Variants in ZPLD1 observed in about 807,000 individuals in gnomAD.
ZPLD1 encodes the protein zona pellucida-like domain-containing protein 1.
ZPLD1 carries 34 observed loss-of-function variants against 47.2 expected under a neutral mutation model. That is an observed-to-expected ratio of 0.72 (90% CI 0.55 to 0.96). The LOEUF (loss-of-function observed/expected upper bound fraction) is 0.96. Ranked by LOEUF, ZPLD1 falls within the 40% of genes least tolerant of loss-of-function variation. The pLI, the probability that ZPLD1 is intolerant of heterozygous loss-of-function variation, is 0.00. For synonymous variants in ZPLD1, 176 were observed against 186.2 expected (o/e 0.95, Z 0.45); for missense variants, 512 against 505.8 (o/e 1.01, Z -0.12).
chr3:102,452,895 G>T, intron 3 of ZPLD1, 24 bp from the exon 4 acceptor site: 1 of 1,607,648 alleles, frequency 6.2e-7, no homozygotes, highest in Non-Finnish European at 8.5e-7. Context: ...ACTTATGTTT[G>T]TTTTTTATAT....
upstream of ZPLD1, among the ~76,000 whole-genome samples, chr3:102,431,043 G>C (rs1310510975): frequency 2.6e-5 from 4 of 152,176 alleles, no homozygotes; most frequent in Non-Finnish European, 5.9e-5. Context: ...CTTTTAAAGT[G>C]ACTTAGTTCC....
At chr3:102,455,845 A>T (rs185899615) in intron 4 of ZPLD1, among the ~76,000 whole-genome samples, 1 of 152,200 alleles carries the variant, frequency 6.6e-6, no homozygotes, top group African/African-American at 2.4e-5. Context: ...ATATGAAGCT[A>T]AAGGGAAAAG....
At chr3:102,413,045 A>G (rs1466450317) in intron 7 of ZPLD1, among the ~76,000 whole-genome samples, 1 of 151,832 alleles carries the variant, frequency 6.6e-6, no homozygotes, top group East Asian at 1.9e-4. Context: ...ATGCAGAGCT[A>G]GAATAGAAAC....
chr3:102,401,875 T>C (rs74652857), intron 7 of ZPLD1, among the ~76,000 whole-genome samples: 1,914 of 152,176 alleles, frequency 0.013, 47 homozygotes, highest in African/African-American at 0.043. Context: ...ACTATTCAGC[T>C]AATTTAGACT....
At chr3:102,471,533 T>C (rs1276422403) in intron 10 of ZPLD1, among the ~76,000 whole-genome samples, 1 of 152,180 alleles carries the variant, frequency 6.6e-6, no homozygotes, top group Non-Finnish European at 1.5e-5. Flanking sequence ...TGTATACAAA[T>C]ATATGTGCAT....
chr3:102,437,865 A>T (rs553389028), intron 2 of ZPLD1, among the ~76,000 whole-genome samples: 1 of 152,250 alleles, frequency 6.6e-6, no homozygotes, highest in African/African-American at 2.4e-5. Context: ...TGTTGTTCAC[A>T]CACAGAGTAT....
chr3:102,431,489 T>C (rs1370188551), upstream of ZPLD1, among the ~76,000 whole-genome samples: 1 of 152,218 alleles, frequency 6.6e-6, no homozygotes, highest in African/African-American at 2.4e-5. Context: ...ATTTTTCTTT[T>C]AATATATATG....
At chr3:102,427,481 A>T (rs1706962601) in intron 8 of ZPLD1, among the ~76,000 whole-genome samples, 1 of 152,204 alleles carries the variant, frequency 6.6e-6, no homozygotes, top group Non-Finnish European at 1.5e-5. Context: ...ACAATGGAAG[A>T]TCTCTAAATC....
chr3:102,388,073 G>A (rs1288771177), intron 6 of ZPLD1, among the ~76,000 whole-genome samples: 1 of 151,918 alleles, frequency 6.6e-6, no homozygotes, highest in East Asian at 1.9e-4. Flanking sequence ...TGTTAGCCAG[G>A]ATGGTCTCGA....
At chr3:102,439,286 G>A (rs557621700) in intron 3 of ZPLD1, among the ~76,000 whole-genome samples, 48 of 152,340 alleles carry the variant, frequency 3.2e-4, no homozygotes, top group Non-Finnish European at 6.5e-4. Flanking sequence ...CTCTTTGGCC[G>A]TGGTTTACAT....
intron 6 of ZPLD1, among the ~76,000 whole-genome samples, chr3:102,459,098 A>AAT: frequency 6.9e-6 from 1 of 144,606 alleles, no homozygotes; most frequent in African/African-American, 2.7e-5. Context: ...TCAAAAAAAA[A>AAT]AAAAAAAAAA....
At chr3:102,473,578 C>T (rs570016116) in intron 10 of ZPLD1, among the ~76,000 whole-genome samples, 29 of 152,198 alleles carry the variant, frequency 1.9e-4, no homozygotes, top group Admixed American at 7.2e-4. Flanking sequence ...CATTCTCTCT[C>T]GAATTATTTT....
At chr3:102,389,201 G>A (rs1274014873) in intron 6 of ZPLD1, among the ~76,000 whole-genome samples, 1 of 152,194 alleles carries the variant, frequency 6.6e-6, no homozygotes, top group Non-Finnish European at 1.5e-5. Flanking sequence ...CCCTGGTGCT[G>A]GAGAGAGTGC....
At chr3:102,455,219 T>C (rs1707394783) in intron 4 of ZPLD1, among the ~76,000 whole-genome samples, 1 of 152,236 alleles carries the variant, frequency 6.6e-6, no homozygotes, top group African/African-American at 2.4e-5. Context: ...AATATAGTAG[T>C]ATCTGCTCAA....
intron 3 of ZPLD1, among the ~76,000 whole-genome samples, chr3:102,451,874 C>A (rs377150932): frequency 1.7e-4 from 26 of 152,204 alleles, no homozygotes; most frequent in African/African-American, 6.0e-4. Context: ...CCCAGTATTA[C>A]CTCATCTTAC....
At chr3:102,442,455 G>A (rs184531279) in intron 3 of ZPLD1, among the ~76,000 whole-genome samples, 34 of 151,990 alleles carry the variant, frequency 2.2e-4, no homozygotes, top group African/African-American at 7.0e-4. Flanking sequence ...CTGAAGTCCC[G>A]GGAGAGACTT....
chr3:102,455,266 G>A (rs1367912863), intron 4 of ZPLD1, among the ~76,000 whole-genome samples: 2 of 152,194 alleles, frequency 1.3e-5, no homozygotes, highest in Admixed American at 6.5e-5. Context: ...TGACAAGGTC[G>A]AAGAAGCTAG....
rs780253899 is a variant in ZPLD1 at position 102,435,157 on chromosome 3, A to G, written c.-123+3A>G. ...CATGTGCAGGGGAAATGATGAAGGT[A>G]AGGTTGAGGATGGGAAATTTGCAAG... On this transcript the variant is annotated splice_donor_region_variant and intron_variant, in intron 1 of 11. Coordinates refer to ENST00000466937, the MANE Select transcript of ZPLD1 (RefSeq NM_001329788.2). 6.2e-7 allele frequency: 1 copy of G among 1,614,138 alleles called. No homozygotes were observed. The highest frequency in any genetic ancestry group is 1.7e-5 in the Admixed American group (1 of 60,018).
chr3:102,412,232 T>G (rs1469664055), intron 7 of ZPLD1, among the ~76,000 whole-genome samples: 1 of 151,838 alleles, frequency 6.6e-6, no homozygotes, highest in Non-Finnish European at 1.5e-5. Context: ...GATTGGTGTT[T>G]GAACAAACAG....
Sources: allele counts gnomAD v4.1 joint callset (sites outside exome capture counted in the v4.1 genomes callset), GRCh38; gene constraint gnomAD v4.1.1; transcripts MANE v1.5; gene names NCBI Gene and HGNC (gene_info 2026-07-23, HGNC 2026-07-21).